SH3BP4: variants seen among roughly 807,000 people sequenced by gnomAD.
The protein encoded by SH3BP4 is SH3 domain binding protein 4.
A neutral mutation model predicts 65.5 loss-of-function variants in SH3BP4; 33 were observed. That is an observed-to-expected ratio of 0.50 (90% CI 0.38 to 0.67). The LOEUF is 0.67. SH3BP4 is among the 30% of genes least tolerant of loss of function. The probability of loss-of-function intolerance (pLI) is 0.00; values close to 1 mark genes in which losing one functional copy is unlikely to be tolerated. For synonymous variants in SH3BP4, 552 were observed against 545.5 expected (o/e 1.01, Z -0.17); for missense variants, 1,134 against 1,261.4 (o/e 0.90, Z 1.53).
At chr2:235,009,860 G>T (rs4341884) in intron 2 of SH3BP4, among the ~76,000 whole-genome samples, 75,101 of 151,866 alleles carry the variant, frequency 0.49, 21,571 homozygotes, top group African/African-American at 0.77. Context: ...TCCCAGCTAA[G>T]AGCGTCTTTG....
rs953901405 is a variant in SH3BP4, at chr2:234,961,936, C to T, written c.-207+9766C>T. On this transcript the variant is annotated intron_variant, in intron 1 of 5. Coordinates refer to ENST00000392011, the MANE Select transcript of SH3BP4 (RefSeq NM_014521.3). ...TTTGATGAGGCTACAGGTCCCCAGA[C>T]CTGGGGTGGAGTGTGGCTCTGGCAG... 2.0e-5 allele frequency among the ~76,000 whole-genome samples: 3 copies of T among 151,934 alleles called. No homozygotes were observed. The East Asian group carries it at 5.8e-4, about 30-fold the overall frequency.
At position 234,976,856 on chromosome 2, in the gene SH3BP4, A is replaced by T. The variant is rs533378534; in HGVS notation, c.-206-18447A>T. On this transcript the variant is annotated intron_variant, in intron 1 of 5. Coordinates refer to ENST00000392011, the MANE Select transcript of SH3BP4 (RefSeq NM_014521.3). The surrounding 1 kb of genome is among the most constrained non-coding windows in gnomAD (Gnocchi z 4.7). ...CTGGGGAGATGCCCTAGCCAAGAGG[A>T]GCTTAAAGAGACACGACACCTAATG... 2.0e-4 allele frequency among the ~76,000 whole-genome samples: 30 copies of T among 152,280 alleles called. No homozygotes were observed. The South Asian group carries it at 6.2e-3, about 32-fold the overall frequency.
chr2:235,028,783 G>T (rs1162130063), intron 2 of SH3BP4, among the ~76,000 whole-genome samples: 1 of 152,288 alleles, frequency 6.6e-6, no homozygotes. Context: ...GAAGTGAGGG[G>T]ATGAGAGCAT....
intron 2 of SH3BP4, among the ~76,000 whole-genome samples, chr2:235,003,971 G>A (rs1694212448): frequency 6.6e-6 from 1 of 152,146 alleles, no homozygotes; most frequent in Non-Finnish European, 1.5e-5. Context: ...TTGCTCCAGT[G>A]GGACTGCAGG....
At chr2:234,968,729 C>A (rs866615526) in intron 1 of SH3BP4, among the ~76,000 whole-genome samples, 1 of 152,174 alleles carries the variant, frequency 6.6e-6, no homozygotes, top group African/African-American at 2.4e-5. Context: ...TCCACACTCA[C>A]GGCTTTTACC....
rs1239332731 is a variant in SH3BP4, at chr2:235,035,771, A to T, written c.118+651A>T. Among the ~76,000 whole-genome samples the T allele has an allele frequency of 6.6e-6, 1 of 152,222 alleles. No homozygotes were observed. The highest frequency in any genetic ancestry group is 2.4e-5 in the African/African-American group (1 of 41,448). ...CCAGTGGCCTCGTAAAATTGAGTTC[A>T]TGAGAAAACCTATCTTTTGGACACC... is the stretch of plus-strand genomic sequence containing the variant. On this transcript the variant is annotated intron_variant, in intron 3 of 5. Transcript: ENST00000392011. This position sits in a 1 kb window ranked among gnomAD's most constrained non-coding sequence, Gnocchi z 5.0.
At chr2:235,051,695 A>G (rs1433138247) in intron 4 of SH3BP4, among the ~76,000 whole-genome samples, 1 of 152,064 alleles carries the variant, frequency 6.6e-6, no homozygotes, top group Admixed American at 6.6e-5. Flanking sequence ...GTCTCTGACC[A>G]GGGCCTCTTC....
At chr2:235,006,681 A>G (rs186191172) in intron 2 of SH3BP4, among the ~76,000 whole-genome samples, 1 of 152,150 alleles carries the variant, frequency 6.6e-6, no homozygotes, top group African/African-American at 2.4e-5. Context: ...GGGCTCTCCG[A>G]TGAGACTGGC....
chr2:235,004,175 C>G (rs1321786650), intron 2 of SH3BP4, among the ~76,000 whole-genome samples: 2 of 152,192 alleles, frequency 1.3e-5, no homozygotes, highest in African/African-American at 4.8e-5. Flanking sequence ...AATATGCTCT[C>G]AGTGTCACAG....
At chr2:235,036,740 A>AAAAAATAATAATAATAAT (rs146049108) in intron 3 of SH3BP4, among the ~76,000 whole-genome samples, 60 of 141,770 alleles carry the variant, frequency 4.2e-4, no homozygotes, top group African/African-American at 1.5e-3. Context: ...TCTATATAAA[A>AAAAAATAATAATAATAAT]AATAATAATA....
At chr2:234,990,690 G>C (rs2081788) in intron 1 of SH3BP4, among the ~76,000 whole-genome samples, 24,171 of 152,204 alleles carry the variant, frequency 0.16, 3,564 homozygotes, top group East Asian at 0.72. Context: ...TCTGAGATGG[G>C]CAGAGCCGTG....
In SH3BP4 at chr2:234,967,182, G is replaced by A. The variant is rs1692857977; in HGVS notation, c.-207+15012G>A. ...GTGCAGAAGCCAGGAGTTAAGTCCAGGCTGTCTCAACCATGATACTGTTCT... is the reference window on the plus strand; with the variant it reads ...GTGCAGAAGCCAGGAGTTAAGTCCAAGCTGTCTCAACCATGATACTGTTCT... On this transcript the variant is annotated intron_variant, in intron 1 of 5. Coordinates refer to ENST00000392011, the MANE Select transcript of SH3BP4 (RefSeq NM_014521.3). This position sits in a 1 kb window ranked among gnomAD's most constrained non-coding sequence, Gnocchi z 4.6. 6.6e-6 allele frequency among the ~76,000 whole-genome samples: 1 copy of A among 152,102 alleles called. No homozygotes were observed. Among genetic ancestry groups the A allele is most frequent in the Non-Finnish European group, 1.5e-5 (1 of 67,996 alleles).
chr2:234,987,846 T>C (rs1226303976), intron 1 of SH3BP4, among the ~76,000 whole-genome samples: 2 of 152,144 alleles, frequency 1.3e-5, no homozygotes, highest in Non-Finnish European at 2.9e-5. Context: ...CGAGTGTGCA[T>C]GGGTCTTCCA....
intron 1 of SH3BP4, among the ~76,000 whole-genome samples, chr2:234,975,693 T>C (rs1314117905): frequency 6.6e-6 from 1 of 152,046 alleles, no homozygotes; most frequent in East Asian, 1.9e-4. Context: ...CTGAGCAACA[T>C]GGTGAAACCC....
At chr2:235,017,445 C>CA (rs556712981) in intron 2 of SH3BP4, among the ~76,000 whole-genome samples, 2,766 of 74,670 alleles carry the variant, frequency 0.037, 63 homozygotes, top group African/African-American at 0.076. Flanking sequence ...GACTCAGTCT[C>CA]AAAAAAAAAA....
At chr2:234,989,737 A>G (rs557626734) in intron 1 of SH3BP4, among the ~76,000 whole-genome samples, 124 of 152,282 alleles carry the variant, frequency 8.1e-4, no homozygotes, top group Non-Finnish European at 1.5e-3. Flanking sequence ...TCACGTCGTG[A>G]AATATTACTC....
chr2:235,009,549 C>T (rs1694408468), intron 2 of SH3BP4, among the ~76,000 whole-genome samples: 3 of 150,812 alleles, frequency 2.0e-5, no homozygotes, highest in African/African-American at 7.3e-5. Context: ...TGTTGTGTCT[C>T]TTCTCTCTCT....
At chr2:235,018,614 A>AC (rs1483085912) in intron 2 of SH3BP4, among the ~76,000 whole-genome samples, 3 of 152,152 alleles carry the variant, frequency 2.0e-5, no homozygotes, top group Non-Finnish European at 4.4e-5. Context: ...AATTTAGATG[A>AC]CTGTTGTTTC....
At chr2:235,016,467 C>T (rs926159467) in intron 2 of SH3BP4, among the ~76,000 whole-genome samples, 37 of 152,056 alleles carry the variant, frequency 2.4e-4, no homozygotes, top group African/African-American at 6.3e-4. Flanking sequence ...GGGAGTTGAC[C>T]GCCCTCAGCA....
Sources: allele counts gnomAD v4.1 joint callset (sites outside exome capture counted in the v4.1 genomes callset), GRCh38; gene constraint gnomAD v4.1.1; non-coding constraint Gnocchi (gnomAD v3.1); transcripts MANE v1.5; gene names NCBI Gene and HGNC (gene_info 2026-07-23, HGNC 2026-07-21).